KCNQ1OT1: variants seen among roughly 807,000 people sequenced by gnomAD.
KCNQ1OT1 encodes the protein KCNQ1 antisense RNA 2 (non-protein coding).
chr11:2,641,818 G>A lies in KCNQ1OT1; in HGVS notation n.58177C>T, dbSNP rs182359392. 11 of 398,358 alleles carry A rather than the reference G, an allele frequency of 2.8e-5. No homozygotes were observed. In the East Asian group the frequency reaches 3.6e-4, roughly 13 times the overall value. 24.7% of individuals were successfully genotyped at this position (398,358 alleles called of 1,614,324 possible). ...CCCATCTTGAGTTGATTTTAGTATA[G>A]CAAGAGATAGAAACGGTTTCATTTT... On this transcript the variant is annotated non_coding_transcript_exon_variant, in exon 1 of 1. Transcript: ENST00000597346.
rs1191931411 is a variant in KCNQ1OT1 at position 2,652,065 on chromosome 11, T to A, written n.47930A>T. 2 of 398,518 alleles carry A rather than the reference T, an allele frequency of 5.0e-6. No homozygotes were observed. The allele number at this position is 398,518 out of a possible 1,614,324, so 24.7% of individuals were successfully genotyped here. A position where few individuals can be genotyped will look rare whatever the true frequency, so the allele number is the denominator to read the frequency against. On this transcript the variant is annotated non_coding_transcript_exon_variant, in exon 1 of 1. Coordinates refer to ENST00000597346, the Ensembl canonical transcript of KCNQ1OT1. The surrounding 1 kb of genome is among the most constrained non-coding windows in gnomAD (Gnocchi z 5.9). ...GCTCTGACTGTGTCCAGGCTCCAAT[T>A]TGAGAAGCTATGGGGAGCCTCTCGG...
At chr11:2,681,946 A>G (rs771463443) in exon 1 of KCNQ1OT1, 60 of 398,594 alleles carry the variant, frequency 1.5e-4, no homozygotes, top group Middle Eastern at 6.3e-4. Context: ...TTCAAATGAT[A>G]CTACTACTTA....
chr11:2,656,259 G>T (rs1250935577), exon 1 of KCNQ1OT1: 5 of 398,510 alleles, frequency 1.3e-5, no homozygotes, highest in African/African-American at 8.2e-5. Flanking sequence ...ATAACCTAGG[G>T]TACTTGAATC....
exon 1 of KCNQ1OT1, chr11:2,631,047 T>A (rs1453473021): frequency 5.0e-6 from 2 of 398,464 alleles, no homozygotes; most frequent in East Asian, 7.1e-5. Flanking sequence ...TGGCAATATA[T>A]CTAGGTGAAA....
chr11:2,630,712 CATCCTT>C, exon 1 of KCNQ1OT1: 1 of 398,384 alleles, frequency 2.5e-6, no homozygotes, highest in Non-Finnish European at 4.4e-6. Flanking sequence ...TACTAATTAT[CATCCTT>C]CCATTTAAGC....
At chr11:2,665,481 T>C (rs1850050647) in exon 1 of KCNQ1OT1, 1 of 396,012 alleles carries the variant, frequency 2.5e-6, no homozygotes, top group Non-Finnish European at 4.4e-6. Flanking sequence ...GACGGTGCCA[T>C]GCCTGTGTGC....
chr11:2,661,687 C>T lies in KCNQ1OT1; in HGVS notation n.38308G>A. On this transcript the variant is annotated non_coding_transcript_exon_variant, in exon 1 of 1. Coordinates refer to ENST00000597346, the Ensembl canonical transcript of KCNQ1OT1. The surrounding 1 kb of genome is among the most constrained non-coding windows in gnomAD (Gnocchi z 5.9). ...GCCCAGAACCTGAGGTGGGGAGAGTCTTGGACACCTGAGCACAGCCCCAGG... is the reference window on the plus strand; with the variant it reads ...GCCCAGAACCTGAGGTGGGGAGAGTTTTGGACACCTGAGCACAGCCCCAGG... The T allele has an allele frequency of 1.7e-6, 1 of 602,060 alleles. No individual in the cohort carries two copies. Among genetic ancestry groups the T allele is most frequent in the South Asian group, 2.0e-5 (1 of 50,920 alleles). The allele number at this position is 602,060 out of a possible 1,614,324, so 37.3% of individuals were successfully genotyped here. A position where few individuals can be genotyped will look rare whatever the true frequency, so the allele number is the denominator to read the frequency against.
Position 2,666,243 on chromosome 11 carries a change from A to G in KCNQ1OT1, n.33752T>C, listed in dbSNP as rs563855389. On this transcript the variant is annotated non_coding_transcript_exon_variant, in exon 1 of 1. Transcript: ENST00000597346. ...GAGCACCCGGCCCATTGAGATGGGC[A>G]TGGGGGAGGACCAGGACCCCCGAGG... The G allele has an allele frequency of 7.2e-4, 288 of 398,500 alleles. 1 individual carries two copies. Among genetic ancestry groups the G allele is most frequent in the South Asian group, 1.4e-3 (11 of 7,856 alleles). 24.7% of individuals were successfully genotyped at this position (398,500 alleles called of 1,614,324 possible). A position where few individuals can be genotyped will look rare whatever the true frequency, so the allele number is the denominator to read the frequency against.
Position 2,677,602 on chromosome 11 carries a change from ATTTG to A in KCNQ1OT1, n.22389_22392del, listed in dbSNP as rs1418814467. 7.5e-6 allele frequency: 3 copies of A among 398,600 alleles called. No individual in the cohort carries two copies. Among genetic ancestry groups the A allele is most frequent in the African/African-American group, 4.1e-5 (2 of 48,738 alleles). 24.7% of individuals were successfully genotyped at this position (398,600 alleles called of 1,614,324 possible). ...AAAGACAAACCAAAATCCCCTCTGG[ATTTG>A]TTTTTTTCTAAAACGTGTACATAAT... On this transcript the variant is annotated non_coding_transcript_exon_variant, in exon 1 of 1. Transcript: ENST00000597346. The surrounding 1 kb of genome is among the most constrained non-coding windows in gnomAD (Gnocchi z 4.5).
rs1156780624 is a variant in KCNQ1OT1, at chr11:2,683,165, AGCATCT to A, written n.16824_16829del. 2.5e-6 allele frequency: 1 copy of A among 398,528 alleles called. No homozygotes were observed. The highest frequency in any genetic ancestry group is 4.4e-6 in the Non-Finnish European group (1 of 226,088). 24.7% of individuals were successfully genotyped at this position (398,528 alleles called of 1,614,324 possible). ...TGGGCTAGCATTAGGAATGGGTATT[AGCATCT>A]GCATTAAAAGGCTCCCACTGACAGC... On this transcript the variant is annotated non_coding_transcript_exon_variant, in exon 1 of 1. Coordinates refer to ENST00000597346, the Ensembl canonical transcript of KCNQ1OT1. The surrounding 1 kb of genome is among the most constrained non-coding windows in gnomAD (Gnocchi z 4.7).
rs2133808273 is a variant in KCNQ1OT1 at position 2,624,654 on chromosome 11, G to A, written n.75341C>T. 5.0e-6 allele frequency: 2 copies of A among 398,478 alleles called. No individual in the cohort carries two copies. The highest frequency in any genetic ancestry group is 1.3e-4 in the South Asian group (1 of 7,848). 24.7% of individuals were successfully genotyped at this position (398,478 alleles called of 1,614,324 possible). ...TGAATGTATTAGATACGTTCACAAT[G>A]CTGTGCAATCATCACTATCATCCAT... is the stretch of plus-strand genomic sequence containing the variant. On this transcript the variant is annotated non_coding_transcript_exon_variant, in exon 1 of 1. Transcript: ENST00000597346. The surrounding 1 kb of genome is among the most constrained non-coding windows in gnomAD (Gnocchi z 4.9).
rs1172269107 is a variant in KCNQ1OT1, at chr11:2,626,381, C to T, written n.73614G>A. 1 of 398,500 alleles carries T rather than the reference C, an allele frequency of 2.5e-6. No homozygotes were observed. The highest frequency in any genetic ancestry group is 4.4e-6 in the Non-Finnish European group (1 of 226,086). 24.7% of individuals were successfully genotyped at this position (398,500 alleles called of 1,614,324 possible). ...CCATTTGTTGAAAATACAGCACTTT[C>T]CCTATTGAATGGTCTTGGCACTCTT... is the stretch of plus-strand genomic sequence containing the variant. On this transcript the variant is annotated non_coding_transcript_exon_variant, in exon 1 of 1. Transcript: ENST00000597346. The surrounding 1 kb of genome is among the most constrained non-coding windows in gnomAD (Gnocchi z 4.0).
At chr11:2,684,412 G>A in exon 1 of KCNQ1OT1, 1 of 398,624 alleles carries the variant, frequency 2.5e-6, no homozygotes, top group Non-Finnish European at 4.4e-6. Context: ...ATTCCTCAGT[G>A]CCCCAGCACC....
rs141041951 is a variant in KCNQ1OT1 at position 2,681,604 on chromosome 11, G to A, written n.18391C>T. ...AAGTTTCTAGCTTGCTTGCTCACTC[G>A]CTCTCCCCACCCCCACCCAACCTCC... On this transcript the variant is annotated non_coding_transcript_exon_variant, in exon 1 of 1. Transcript: ENST00000597346. 5.8e-4 allele frequency: 231 copies of A among 397,996 alleles called. 2 individuals carry two copies. In the East Asian group the frequency reaches 7.3e-3, roughly 13 times the overall value. The allele number at this position is 397,996 out of a possible 1,614,324, so 24.7% of individuals were successfully genotyped here.
chr11:2,662,712 T>TG lies in KCNQ1OT1; in HGVS notation n.37282dup, dbSNP rs1277519824. On this transcript the variant is annotated non_coding_transcript_exon_variant, in exon 1 of 1. Transcript: ENST00000597346. Reference sequence around the variant, plus strand: ...GGTGACAGCCGTGCAGCGGGGTCAGTGGGGCACCCAAGTCCATTCTGGCCA... The same window carrying TG: ...GGTGACAGCCGTGCAGCGGGGTCAGTGGGGGCACCCAAGTCCATTCTGGCCA... 2.0e-5 allele frequency: 8 copies of TG among 401,428 alleles called. No individual in the cohort carries two copies. In the East Asian group the frequency reaches 2.8e-4, roughly 14 times the overall value. The allele number at this position is 401,428 out of a possible 1,614,324, so 24.9% of individuals were successfully genotyped here. A position where few individuals can be genotyped will look rare whatever the true frequency, so the allele number is the denominator to read the frequency against.
In KCNQ1OT1 at chr11:2,673,038, G is replaced by T. The variant is rs1850214921; in HGVS notation, n.26957C>A. On this transcript the variant is annotated non_coding_transcript_exon_variant, in exon 1 of 1. Transcript: ENST00000597346. The surrounding 1 kb of genome is among the most constrained non-coding windows in gnomAD (Gnocchi z 4.5). ...TTACTTGAACAAATATAGGGTCTAG[G>T]GCTGGCCAAAAGGGACAGTGAAGTT... is the stretch of plus-strand genomic sequence containing the variant. 2 of 398,642 alleles carry T rather than the reference G, an allele frequency of 5.0e-6. No individual in the cohort carries two copies. The highest frequency in any genetic ancestry group is 4.4e-5 in the Admixed American group (1 of 22,718). 24.7% of individuals were successfully genotyped at this position (398,642 alleles called of 1,614,324 possible). A position where few individuals can be genotyped will look rare whatever the true frequency, so the allele number is the denominator to read the frequency against.
Position 2,651,133 on chromosome 11 carries a change from C to G in KCNQ1OT1, n.48862G>C, listed in dbSNP as rs1849750547. On this transcript the variant is annotated non_coding_transcript_exon_variant, in exon 1 of 1. Transcript: ENST00000597346. The surrounding 1 kb of genome is among the most constrained non-coding windows in gnomAD (Gnocchi z 6.1). ...GTACTCCATTCTTCACATAACAGCT[C>G]AAGGGAGTTCTTTAAATGTACAGTG... 1.3e-5 allele frequency: 5 copies of G among 398,560 alleles called. No homozygotes were observed. In the South Asian group the frequency reaches 5.1e-4, roughly 41 times the overall value. 24.7% of individuals were successfully genotyped at this position (398,560 alleles called of 1,614,324 possible).
At position 2,657,140 on chromosome 11, in the gene KCNQ1OT1, T is replaced by A; in HGVS notation, n.42855A>T. On this transcript the variant is annotated non_coding_transcript_exon_variant, in exon 1 of 1. Transcript: ENST00000597346. The surrounding 1 kb of genome is among the most constrained non-coding windows in gnomAD (Gnocchi z 4.8). Reference sequence around the variant, plus strand: ...ATGACCACTGCCTTGGAAGAAGTACTGATGTTTGGTACAGCAAGTTCTCCC... The same window carrying A: ...ATGACCACTGCCTTGGAAGAAGTACAGATGTTTGGTACAGCAAGTTCTCCC... The A allele has an allele frequency of 2.5e-6, 1 of 398,654 alleles. No homozygotes were observed. Among genetic ancestry groups the A allele is most frequent in the East Asian group, 3.6e-5 (1 of 28,080 alleles). The allele number at this position is 398,654 out of a possible 1,614,324, so 24.7% of individuals were successfully genotyped here.
At position 2,613,759 on chromosome 11, in the gene KCNQ1OT1, C is replaced by T. The variant is rs1849017579; in HGVS notation, n.86236G>A. On this transcript the variant is annotated non_coding_transcript_exon_variant, in exon 1 of 1. Coordinates refer to ENST00000597346, the Ensembl canonical transcript of KCNQ1OT1. The surrounding 1 kb of genome is among the most constrained non-coding windows in gnomAD (Gnocchi z 4.8). ...AGTCAATACTAAACAAAAGGAGCTA[C>T]TGAGAGAAATCTTCCTCTCACCCAT... 2.5e-6 allele frequency: 1 copy of T among 398,484 alleles called. No homozygotes were observed. The highest frequency in any genetic ancestry group is 4.4e-6 in the Non-Finnish European group (1 of 226,014). 24.7% of individuals were successfully genotyped at this position (398,484 alleles called of 1,614,324 possible). A position where few individuals can be genotyped will look rare whatever the true frequency, so the allele number is the denominator to read the frequency against.
Sources: allele counts gnomAD v4.1 joint callset, GRCh38; gene constraint gnomAD v4.1.1; non-coding constraint Gnocchi (gnomAD v3.1); transcripts MANE v1.5; gene names NCBI Gene and HGNC (gene_info 2026-07-23, HGNC 2026-07-21).